Variants in PTPRT observed in about 807,000 individuals in gnomAD.
PTPRT encodes the protein protein tyrosine phosphatase receptor type T, also known as receptor-type tyrosine-protein phosphatase T.
Under a neutral mutation model 176.8 loss-of-function variants are expected in PTPRT, and 56 were observed. The observed-to-expected ratio is 0.32, with a 90% CI of 0.26 to 0.40. PTPRT has a LOEUF of 0.40. PTPRT is among the 10% of genes least tolerant of loss of function. PTPRT has a pLI of 1.00. For synonymous variants in PTPRT, 783 were observed against 739.0 expected (o/e 1.06, Z -0.96); for missense variants, 1,540 against 1,908.2 (o/e 0.81, Z 3.60).
the PTPRT span, among the ~76,000 whole-genome samples, chr20:42,065,690 C>T: frequency 6.6e-6 from 1 of 152,194 alleles, no homozygotes; most frequent in Non-Finnish European, 1.5e-5. Flanking sequence ...GATACATTAT[C>T]AGTTCTGCTT....
chr20:42,321,738 T>C (rs559897307), intron 11 of PTPRT, among the ~76,000 whole-genome samples: 4 of 152,318 alleles, frequency 2.6e-5, no homozygotes, highest in South Asian at 2.1e-4. Flanking sequence ...AATTCATTGC[T>C]TCTAATACCA....
At chr20:42,042,928 T>C in the PTPRT span, among the ~76,000 whole-genome samples, 6 of 152,350 alleles carry the variant, frequency 3.9e-5, no homozygotes, top group Non-Finnish European at 8.8e-5. Context: ...GGCCTTCCCT[T>C]GTAAGACCAG....
At chr20:42,423,849 C>T (rs1478277159) in intron 9 of PTPRT, among the ~76,000 whole-genome samples, 1 of 151,856 alleles carries the variant, frequency 6.6e-6, no homozygotes, top group Admixed American at 6.6e-5. Context: ...TATCATTTTA[C>T]ATGAGGAAAA....
At chr20:42,431,071 G>A (rs977080684) in intron 9 of PTPRT, among the ~76,000 whole-genome samples, 7 of 152,200 alleles carry the variant, frequency 4.6e-5, no homozygotes, top group Admixed American at 3.9e-4. Context: ...CTAAACAGAG[G>A]AGGAAGAAAA....
intron 7 of PTPRT, among the ~76,000 whole-genome samples, chr20:42,584,189 C>A (rs1227979698): frequency 6.6e-6 from 1 of 152,216 alleles, no homozygotes; most frequent in Non-Finnish European, 1.5e-5. Flanking sequence ...ACCACAAAAT[C>A]ATGAGATATT....
chr20:43,171,242 C>T (rs533985103), intron 1 of PTPRT, among the ~76,000 whole-genome samples: 1 of 152,198 alleles, frequency 6.6e-6, no homozygotes, highest in East Asian at 1.9e-4. Context: ...TTATACAAGA[C>T]AGAACACAGA....
At chr20:42,311,584 C>T (rs749021210) in intron 12 of PTPRT, among the ~76,000 whole-genome samples, 1 of 152,142 alleles carries the variant, frequency 6.6e-6, no homozygotes, top group Non-Finnish European at 1.5e-5. Flanking sequence ...TCTATCTCAT[C>T]CTTTGTCTTT....
chr20:42,384,401 G>A (rs1041414536), intron 9 of PTPRT, among the ~76,000 whole-genome samples: 4 of 152,140 alleles, frequency 2.6e-5, no homozygotes, highest in African/African-American at 7.2e-5. Context: ...AGGATGAATC[G>A]GTAGGATTCT....
At chr20:42,960,360 C>T (rs1394490180) in intron 1 of PTPRT, among the ~76,000 whole-genome samples, 1 of 152,118 alleles carries the variant, frequency 6.6e-6, no homozygotes, top group Non-Finnish European at 1.5e-5. Flanking sequence ...TGTGTCCTCA[C>T]AGGGTGGAAG....
intron 2 of PTPRT, among the ~76,000 whole-genome samples, chr20:42,877,896 A>G (rs2078960591): frequency 6.6e-6 from 1 of 152,164 alleles, no homozygotes; most frequent in Admixed American, 6.5e-5. Context: ...ACAAGGTGCA[A>G]TCAGGGGACC....
At chr20:43,015,020 C>T (rs1386970671) in intron 1 of PTPRT, among the ~76,000 whole-genome samples, 2 of 152,198 alleles carry the variant, frequency 1.3e-5, no homozygotes, top group Non-Finnish European at 2.9e-5. Context: ...GACCAATAAC[C>T]GTTCTCCACT....
intron 7 of PTPRT, among the ~76,000 whole-genome samples, chr20:42,561,418 C>T (rs892153577): frequency 6.6e-6 from 1 of 152,192 alleles, no homozygotes; most frequent in African/African-American, 2.4e-5. Context: ...ATATTTAATA[C>T]CAATGACACT....
chr20:42,518,310 G>A (rs1351401123), intron 7 of PTPRT, among the ~76,000 whole-genome samples: 1 of 151,792 alleles, frequency 6.6e-6, no homozygotes, highest in Non-Finnish European at 1.5e-5. Flanking sequence ...CATAAAACTG[G>A]ATTTTTTTTT....
At chr20:42,779,739 T>C (rs1369094216) in intron 4 of PTPRT, among the ~76,000 whole-genome samples, 8 of 152,206 alleles carry the variant, frequency 5.3e-5, no homozygotes, top group African/African-American at 1.9e-4. Context: ...TATGCCTACA[T>C]GGAGCTGATG....
At chr20:42,054,778 A>G in the PTPRT span, among the ~76,000 whole-genome samples, 1 of 152,146 alleles carries the variant, frequency 6.6e-6, no homozygotes, top group Admixed American at 6.5e-5. Context: ...GGGCTCACTC[A>G]ACTGATATGC....
chr20:42,318,029 T>C (rs1005770909), intron 11 of PTPRT, among the ~76,000 whole-genome samples: 4 of 152,172 alleles, frequency 2.6e-5, no homozygotes, highest in Admixed American at 2.6e-4. Flanking sequence ...TCCAAATGAG[T>C]AAATATAACA....
At chr20:42,768,237 G>A (rs1489791575) in intron 5 of PTPRT, among the ~76,000 whole-genome samples, 2 of 152,116 alleles carry the variant, frequency 1.3e-5, no homozygotes, top group Admixed American at 6.5e-5. Context: ...TACCAGATAC[G>A]TTTCAAGTGC....
At chr20:42,137,330 T>C (rs934200581) in intron 18 of PTPRT, among the ~76,000 whole-genome samples, 2 of 152,184 alleles carry the variant, frequency 1.3e-5, no homozygotes, top group African/African-American at 4.8e-5. Flanking sequence ...AAAAGTCCTC[T>C]GGGTTTTGTT....
chr20:42,723,170 A>G (rs997376513), intron 6 of PTPRT, among the ~76,000 whole-genome samples: 1 of 152,236 alleles, frequency 6.6e-6, no homozygotes, highest in Non-Finnish European at 1.5e-5. Flanking sequence ...TGCCTAACAT[A>G]TAAATGCTCA....
Sources: gnomAD v4.1 joint callset for allele counts (sites outside exome capture counted in the v4.1 genomes callset) on GRCh38, gnomAD v4.1.1 for gene constraint, MANE v1.5 for transcripts, NCBI Gene and HGNC (gene_info 2026-07-23, HGNC 2026-07-21) for gene names.